The following PHACTR2 variants were observed in gnomAD, a reference collection of about 807,000 sequenced individuals.
PHACTR2 encodes the protein chromosome 6 open reading frame 56.
A neutral mutation model predicts 76.0 loss-of-function variants in PHACTR2; 30 were observed. The observed-to-expected ratio is 0.39, with a 90% confidence interval of 0.30 to 0.54. The LOEUF (loss-of-function observed/expected upper bound fraction) is 0.54. Ranked by LOEUF, PHACTR2 falls within the 20% of genes least tolerant of loss-of-function variation. The pLI is 0.61. For missense variants in PHACTR2, 696 were observed against 781.1 expected, an observed-to-expected ratio of 0.89 and a Z score of 1.30; for synonymous variants, 292 against 292.5, an observed-to-expected ratio of 1.00 and a Z score of 0.02.
chr6:143,803,817 A>T lies in PHACTR2; in HGVS notation c.1846-3240A>T, dbSNP rs1776011585. On this transcript the variant is annotated intron_variant, in intron 11 of 12. Coordinates refer to ENST00000440869, the MANE Select transcript of PHACTR2 (RefSeq NM_001100164.2). The surrounding 1 kb of genome is among the most constrained non-coding windows in gnomAD (Gnocchi z 4.7). ...AAATAGAATGATGTCTTTTGTTTCCAAAGTCGATATACTAGAGCGTTGCGA... is the reference window on the plus strand; with the variant it reads ...AAATAGAATGATGTCTTTTGTTTCCTAAGTCGATATACTAGAGCGTTGCGA... Among the ~76,000 whole-genome samples, 3 of 152,218 alleles carry T rather than the reference A, an allele frequency of 2.0e-5. No homozygotes were observed. Among genetic ancestry groups the T allele is most frequent in the South Asian group, 4.1e-4 (2 of 4,832 alleles).
chr6:143,583,045 G>A lies in PHACTR2; in HGVS notation c.217+45838G>A, dbSNP rs1233769185. Among the ~76,000 whole-genome samples, 1 of 152,180 alleles carries A rather than the reference G, an allele frequency of 6.6e-6. No homozygotes were observed. Among genetic ancestry groups the A allele is most frequent in the Non-Finnish European group, 1.5e-5 (1 of 68,040 alleles). On this transcript the variant is annotated intron_variant, in intron 1 of 11. Transcript: ENST00000367584. The surrounding 1 kb of genome is among the most constrained non-coding windows in gnomAD (Gnocchi z 4.0). ...ATACTTTAATTAGAAACATCATAAT[G>A]AGTCTTTCTATTTTGGATATGAAGA...
intron 5 of PHACTR2, among the ~76,000 whole-genome samples, chr6:143,763,144 A>G (rs192986665): frequency 6.6e-6 from 1 of 152,170 alleles, no homozygotes; most frequent in African/African-American, 2.4e-5. Flanking sequence ...GGATCACCTG[A>G]GGTCAAGAGT....
rs1397238818 is a variant in PHACTR2 at position 143,646,554 on chromosome 6, T to A, written c.13+38232T>A. On this transcript the variant is annotated intron_variant, in intron 1 of 11. Transcript: ENST00000305766. The surrounding 1 kb of genome is among the most constrained non-coding windows in gnomAD (Gnocchi z 4.1). ...TCAAATATAACTGAAAAAAAGGTGC[T>A]CCATTTTGCATGATTTATTATTGAA... Among the ~76,000 whole-genome samples, 1 of 152,192 alleles carries A rather than the reference T, an allele frequency of 6.6e-6. No individual in the cohort carries two copies. The highest frequency in any genetic ancestry group is 1.5e-5 in the Non-Finnish European group (1 of 68,020).
upstream of PHACTR2, among the ~76,000 whole-genome samples, chr6:143,604,429 A>C (rs1239282309): frequency 6.6e-6 from 1 of 152,058 alleles, no homozygotes; most frequent in Admixed American, 6.6e-5. Context: ...TGCCCCTTGG[A>C]GTGGTGTTTC....
rs1401513888 is a variant in PHACTR2 at position 143,770,565 on chromosome 6, A to G, written c.1233-1693A>G. On this transcript the variant is annotated intron_variant, in intron 6 of 12. Coordinates refer to ENST00000440869, the MANE Select transcript of PHACTR2 (RefSeq NM_001100164.2). ...CCTATTTCCCTGTTTGAGAACAAGA[A>G]TATAGTCTGTTGGGTTTTTCTGATA... Among the ~76,000 whole-genome samples, 3 of 152,320 alleles carry G rather than the reference A, an allele frequency of 2.0e-5. No individual in the cohort carries two copies. In the East Asian group the frequency reaches 5.8e-4, roughly 29 times the overall value.
rs2128425970 is a variant in PHACTR2, at chr6:143,537,656, T to C, written c.217+449T>C. ...GGTCTTGGGAGGCTTCCCAACTAAC[T>C]GCTTATGGTTCTGAAATAAAGACGC... On this transcript the variant is annotated intron_variant, in intron 1 of 11. Coordinates refer to the PHACTR2 transcript ENST00000367584. The surrounding 1 kb of genome is among the most constrained non-coding windows in gnomAD (Gnocchi z 4.4). 1.3e-5 allele frequency among the ~76,000 whole-genome samples: 2 copies of C among 152,310 alleles called. No homozygotes were observed. Among genetic ancestry groups the C allele is most frequent in the East Asian group, 3.9e-4 (2 of 5,164 alleles).
chr6:143,594,876 AGGTGG>A (rs763543969), intron 1 of PHACTR2, among the ~76,000 whole-genome samples: 3 of 152,230 alleles, frequency 2.0e-5, no homozygotes, highest in Non-Finnish European at 4.4e-5. Context: ...CGTTGCTGTC[AGGTGG>A]GGTGAGTCAG....
Position 143,689,855 on chromosome 6 carries a change from G to T in PHACTR2, c.46+11646G>T, listed in dbSNP as rs1748483610. Reference sequence around the variant, plus strand: ...TTACAGGCACCTGCCACCACGCCCGGCTAATTTTTGTATTTTTAGTAGCGA... The same window carrying T: ...TTACAGGCACCTGCCACCACGCCCGTCTAATTTTTGTATTTTTAGTAGCGA... On this transcript the variant is annotated intron_variant, in intron 1 of 12. Coordinates refer to ENST00000440869, the MANE Select transcript of PHACTR2 (RefSeq NM_001100164.2). The surrounding 1 kb of genome is among the most constrained non-coding windows in gnomAD (Gnocchi z 4.4). 6.6e-6 allele frequency among the ~76,000 whole-genome samples: 1 copy of T among 151,988 alleles called. No individual in the cohort carries two copies. Among genetic ancestry groups the T allele is most frequent in the African/African-American group, 2.4e-5 (1 of 41,384 alleles).
At chr6:143,729,891 G>T (rs997104159) in intron 2 of PHACTR2, among the ~76,000 whole-genome samples, 4 of 151,978 alleles carry the variant, frequency 2.6e-5, no homozygotes, top group South Asian at 4.1e-4. Context: ...TTCAGATCAT[G>T]CTTTTGGTGT....
At chr6:143,657,429 A>C (rs1776868628) in intron 1 of PHACTR2, among the ~76,000 whole-genome samples, 1 of 151,996 alleles carries the variant, frequency 6.6e-6, no homozygotes, top group Non-Finnish European at 1.5e-5. Context: ...TCTCCCCAGT[A>C]CGTGTTTTTC....
chr6:143,593,335 G>C (rs1479171671), intron 1 of PHACTR2, among the ~76,000 whole-genome samples: 1 of 152,008 alleles, frequency 6.6e-6, no homozygotes, highest in Non-Finnish European at 1.5e-5. Flanking sequence ...GGAAACACAG[G>C]GGGTGTCTAA....
rs55924741 is a variant in PHACTR2 at position 143,738,274 on chromosome 6, C to T, written c.215-10711C>T. 0.2 allele frequency among the ~76,000 whole-genome samples: 30,166 copies of T among 151,924 alleles called. 3,149 individuals are homozygous for T. Among genetic ancestry groups the T allele is most frequent in the South Asian group, 0.25 (1,209 of 4,806 alleles). ...GCTGAGGCAGGAGAATCGCTTGACC[C>T]GGGAGGCAGAGGTTGCAGTGAGCCG... On this transcript the variant is annotated intron_variant, in intron 2 of 12. Coordinates refer to ENST00000440869, the MANE Select transcript of PHACTR2 (RefSeq NM_001100164.2). This position sits in a 1 kb window ranked among gnomAD's most constrained non-coding sequence, Gnocchi z 4.0.
At chr6:143,699,606 A>G (rs1777853249) in intron 1 of PHACTR2, among the ~76,000 whole-genome samples, 1 of 152,130 alleles carries the variant, frequency 6.6e-6, no homozygotes, top group South Asian at 2.1e-4. Flanking sequence ...CTTCCCTTGA[A>G]TGTTCTGCCA....
In PHACTR2 at chr6:143,712,059, C is replaced by T; in HGVS notation, c.90C>T (p.Pro30=). The change falls in exon 2 of 13, where the codon CCC becomes CCT. Residue 30 remains proline (P), a synonymous_variant. Coordinates refer to ENST00000440869, the MANE Select transcript of PHACTR2 (RefSeq NM_001100164.2). ...CTTCTATAGCAAACTCAGATGGCCC[C>T]ACAGCAGGTTCCCAAACACCTCCCT... is the stretch of plus-strand genomic sequence containing the variant. The part of the protein sequence containing the change: ...DKASIANSDG[P]TAGSQTPPFK... The T allele has an allele frequency of 6.3e-7, 1 of 1,598,148 alleles. No individual in the cohort carries two copies. Among genetic ancestry groups the T allele is most frequent in the Non-Finnish European group, 8.5e-7 (1 of 1,173,944 alleles).
In PHACTR2 at chr6:143,599,156, G is replaced by A. The variant is rs1465766232; in HGVS notation, c.217+61949G>A. Among the ~76,000 whole-genome samples the A allele has an allele frequency of 6.6e-6, 1 of 152,036 alleles. No individual in the cohort carries two copies. The highest frequency in any genetic ancestry group is 1.5e-5 in the Non-Finnish European group (1 of 68,006). On this transcript the variant is annotated intron_variant, in intron 1 of 11. Coordinates refer to the PHACTR2 transcript ENST00000367584. The surrounding 1 kb of genome is among the most constrained non-coding windows in gnomAD (Gnocchi z 4.6). ...CCAATTCTTTTTTCAATGAAGTCCT[G>A]GATAAGGAGACAAAAGCAGAATGGT...
In PHACTR2 at chr6:143,580,022, G is replaced by A. The variant is rs949502023; in HGVS notation, c.217+42815G>A. Among the ~76,000 whole-genome samples the A allele has an allele frequency of 3.3e-5, 5 of 152,142 alleles. No homozygotes were observed. The highest frequency in any genetic ancestry group is 6.5e-5 in the Admixed American group (1 of 15,272). ...TTCCCCATGGGCTGTTGTTTTGCAGGCCACCCTCAGTTTCTTGCCACGTGG... is the reference window on the plus strand; with the variant it reads ...TTCCCCATGGGCTGTTGTTTTGCAGACCACCCTCAGTTTCTTGCCACGTGG... On this transcript the variant is annotated intron_variant, in intron 1 of 11. Coordinates refer to the PHACTR2 transcript ENST00000367584. This position sits in a 1 kb window ranked among gnomAD's most constrained non-coding sequence, Gnocchi z 4.2.
At position 143,824,570 on chromosome 6, in the gene PHACTR2, C is replaced by T. The variant is rs1776495833; in HGVS notation, c.*881C>T. 2 of 152,528 alleles carry T rather than the reference C, an allele frequency of 1.3e-5. No homozygotes were observed. The highest frequency in any genetic ancestry group is 1.3e-4 in the Admixed American group (2 of 15,276). 9.4% of individuals were successfully genotyped at this position (152,528 alleles called of 1,614,324 possible). ...TCAGAAATAAATCTTTTGATCTTTC[C>T]CTATCTTGATTAGATCCAAAGTCAA... On this transcript the variant is annotated 3_prime_UTR_variant, in exon 13 of 13. Transcript: ENST00000440869. This position sits in a 1 kb window ranked among gnomAD's most constrained non-coding sequence, Gnocchi z 6.3.
At chr6:143,716,718 A>T (rs1376882524) in intron 2 of PHACTR2, among the ~76,000 whole-genome samples, 1 of 152,206 alleles carries the variant, frequency 6.6e-6, no homozygotes, top group Non-Finnish European at 1.5e-5. Context: ...CTCAGGACAG[A>T]AACTTGCTAT....
In PHACTR2 at chr6:143,599,198, C is replaced by T. The variant is rs1227964243; in HGVS notation, c.217+61991C>T. ...CAGAATGGTGAAAAAGAATCATTCT[C>T]TCAATTAATCTAAAGCCTATGTGTT... On this transcript the variant is annotated intron_variant, in intron 1 of 11. Transcript: ENST00000367584. The surrounding 1 kb of genome is among the most constrained non-coding windows in gnomAD (Gnocchi z 4.6). Among the ~76,000 whole-genome samples the T allele has an allele frequency of 1.3e-5, 2 of 152,128 alleles. No homozygotes were observed. The highest frequency in any genetic ancestry group is 2.9e-5 in the Non-Finnish European group (2 of 68,020).
Sources: allele counts gnomAD v4.1 joint callset (sites outside exome capture counted in the v4.1 genomes callset), GRCh38; gene constraint gnomAD v4.1.1; non-coding constraint Gnocchi (gnomAD v3.1); transcripts MANE v1.5; gene names NCBI Gene and HGNC (gene_info 2026-07-23, HGNC 2026-07-21).